Variants in PLEKHG5 observed in about 807,000 individuals in gnomAD.
The protein encoded by PLEKHG5 is pleckstrin homology and RhoGEF domain containing G5.
A neutral mutation model predicts 103.8 loss-of-function variants in PLEKHG5; 52 were observed. That is an observed-to-expected ratio of 0.50 (90% CI 0.40 to 0.63). PLEKHG5 has a LOEUF of 0.63. PLEKHG5 is among the 30% of genes least tolerant of loss of function. The probability of loss-of-function intolerance (pLI) is 0.00; values close to 1 mark genes in which losing one functional copy is unlikely to be tolerated. For missense variants in PLEKHG5, 1,205 were observed against 1,347.6 expected (o/e 0.89, Z 1.66); for synonymous variants, 592 against 575.5 (o/e 1.03, Z -0.41).
chr1:6,492,235 C>T (rs182704612), upstream of PLEKHG5, among the ~76,000 whole-genome samples: 1 of 152,292 alleles, frequency 6.6e-6, no homozygotes, highest in East Asian at 1.9e-4. Flanking sequence ...TCACTACCTC[C>T]TCCATGATAA....
At chr1:6,502,078 A>G (rs1645302278) in intron 1 of PLEKHG5, among the ~76,000 whole-genome samples, 1 of 152,250 alleles carries the variant, frequency 6.6e-6, no homozygotes, top group South Asian at 2.1e-4. Flanking sequence ...ATGCCTGGGC[A>G]GCTGCTGCAG....
At chr1:6,489,838 A>G (rs1645113624) in intron 1 of PLEKHG5, among the ~76,000 whole-genome samples, 1 of 152,302 alleles carries the variant, frequency 6.6e-6, no homozygotes, top group Admixed American at 6.5e-5. Context: ...GACCCCGGCT[A>G]AAGGGCAGGA....
rs1408196398 is a variant in PLEKHG5 at position 6,486,948 on chromosome 1, C to T, written c.-88+4689G>A. Among the ~76,000 whole-genome samples the T allele has an allele frequency of 6.6e-6, 1 of 152,168 alleles. No homozygotes were observed. The highest frequency in any genetic ancestry group is 6.5e-5 in the Admixed American group (1 of 15,280). On this transcript the variant is annotated intron_variant, in intron 1 of 20. Coordinates refer to ENST00000377728, the MANE Select transcript of PLEKHG5 (RefSeq NM_020631.6). The surrounding 1 kb of genome is among the most constrained non-coding windows in gnomAD (Gnocchi z 5.3). ...CCACCCACCCCTAATTGCTCCTCCT[C>T]CACCTGGTTCCATGGGGAAAGAGGG...
chr1:6,485,999 G>A, intron 1 of PLEKHG5: 1 of 692,416 alleles, frequency 1.4e-6, no homozygotes, highest in Non-Finnish European at 1.8e-6. Context: ...CTTGGAGACT[G>A]TGGAGCCCCT....
chr1:6,509,337 C>T (rs1034910340), intron 1 of PLEKHG5, among the ~76,000 whole-genome samples: 1 of 152,360 alleles, frequency 6.6e-6, no homozygotes. Flanking sequence ...GACAAGGGCC[C>T]GCTTCATCCC....
chr1:6,491,585 A>AC lies in PLEKHG5; in HGVS notation c.-88+51dup. On this transcript the variant is annotated intron_variant, in intron 1 of 20. Transcript: ENST00000377728. This position sits in a 1 kb window ranked among gnomAD's most constrained non-coding sequence, Gnocchi z 4.1. ...GGGGCATCCTGGTCTGCCGCTGCTC[A>AC]CCCCCAAAGCATTGCCCAGGAGAAT... 1.1e-6 allele frequency: 1 copy of AC among 912,346 alleles called. No homozygotes were observed. Among genetic ancestry groups the AC allele is most frequent in the Non-Finnish European group, 1.3e-6 (1 of 764,204 alleles). 56.5% of individuals were successfully genotyped at this position (912,346 alleles called of 1,614,324 possible). A position where few individuals can be genotyped will look rare whatever the true frequency, so the allele number is the denominator to read the frequency against.
Position 6,470,990 on chromosome 1 carries a change from C to A in PLEKHG5, c.1392G>T (p.Thr464=). 6.3e-7 allele frequency: 1 copy of A among 1,599,646 alleles called. No homozygotes were observed. Among genetic ancestry groups the A allele is most frequent in the East Asian group, 2.3e-5 (1 of 43,794 alleles). The part of the protein sequence containing the change: ...RDNDLFRAYI[T]WAEKHPQCQR... ...CCGCCCACGGCACGCGCGCCCTCAC[C>A]GTGATGTAGGCCCGGAAGAGGTCGT... The change falls in exon 13 of 21, where the codon ACG becomes ACT. Residue 464 remains threonine (T), a splice_region_variant and synonymous_variant. Coordinates refer to ENST00000377728, the MANE Select transcript of PLEKHG5 (RefSeq NM_020631.6).
chr1:6,507,161 G>A (rs373886560), intron 1 of PLEKHG5, among the ~76,000 whole-genome samples: 9 of 152,194 alleles, frequency 5.9e-5, no homozygotes, highest in East Asian at 3.9e-4. Context: ...CAGCCCTCCT[G>A]TGGAGAGACC....
chr1:6,485,560 G>A, intron 1 of PLEKHG5: 2 of 1,058,646 alleles, frequency 1.9e-6, no homozygotes, highest in South Asian at 9.2e-5. Flanking sequence ...GGGGAGGGCC[G>A]GGCCCGGAAC....
chr1:6,493,604 C>T (rs568632908), upstream of PLEKHG5, among the ~76,000 whole-genome samples: 5 of 152,304 alleles, frequency 3.3e-5, no homozygotes, highest in African/African-American at 4.8e-5. Flanking sequence ...GAGGGCCTAA[C>T]GCCCCGCCTG....
chr1:6,489,573 C>T (rs1645107058), intron 1 of PLEKHG5, among the ~76,000 whole-genome samples: 1 of 152,348 alleles, frequency 6.6e-6, no homozygotes, highest in African/African-American at 2.4e-5. Context: ...CCTGCCCAGC[C>T]TCTGCAGTTC....
rs1480765563 is a variant in PLEKHG5 at position 6,474,030 on chromosome 1, C to T, written c.574G>A (p.Glu192Lys). Residue 192 changes from glutamate (E) to lysine (K), a missense_variant, in exon 7 of 21, where the codon GAG (glutamate) becomes AAG (lysine). Coordinates refer to ENST00000377728, the MANE Select transcript of PLEKHG5 (RefSeq NM_020631.6). ...LERVDAQSRR[E>K]SLDILAPGRR... The stretch of plus-strand genomic sequence containing the variant: ...CTCCTCACCAAGATGTCCAGGCTCT[C>T]CCGGCGGCTCTGGGCGTCCACACGC... 1 of 1,563,534 alleles carries T rather than the reference C, an allele frequency of 6.4e-7. No individual in the cohort carries two copies. Among genetic ancestry groups the T allele is most frequent in the Non-Finnish European group, 8.7e-7 (1 of 1,150,164 alleles).
At position 6,482,483 on chromosome 1, in the gene PLEKHG5, G is replaced by C. The variant is rs1474041245; in HGVS notation, c.-87-4825C>G. Among the ~76,000 whole-genome samples the C allele has an allele frequency of 2.6e-5, 4 of 152,326 alleles. 1 individual carries two copies. The highest frequency in any genetic ancestry group is 3.9e-4 in the East Asian group (2 of 5,186). On this transcript the variant is annotated intron_variant, in intron 1 of 20. Coordinates refer to ENST00000377728, the MANE Select transcript of PLEKHG5 (RefSeq NM_020631.6). The stretch of plus-strand genomic sequence containing the variant: ...GAGGAGGAGGCCGGGAAGAATCTGA[G>C]TGTGTTTTTAATGTGGTCGTCATGT...
At chr1:6,497,812 G>C (rs1021314365), upstream of PLEKHG5, among the ~76,000 whole-genome samples, 3 of 152,180 alleles carry the variant, frequency 2.0e-5, no homozygotes, top group Non-Finnish European at 2.9e-5. The surrounding 1 kb of genome is among the most constrained non-coding windows in gnomAD (Gnocchi z 6.1). Context: ...CGCCTGCCAC[G>C]GCTCTTGCTG....
rs764053619 is a variant in PLEKHG5 at position 6,472,541 on chromosome 1, G to A, written c.1066C>T (p.Arg356Trp). Residue 356 changes from arginine (R) to tryptophan (W), a missense_variant, in exon 10 of 21, where the codon CGG becomes TGG. Arg to Trp is a moderately radical substitution (Grantham distance 101, BLOSUM62 -3). Transcript: ENST00000377728. ...HTEASYIRKL[R>W]VIINLFLCCL... ...CCCCTACTCACGTTGATGATCACCCGCAGTTTCCTGATGTAGGAGGCCTCC... is the reference window on the plus strand; with the variant it reads ...CCCCTACTCACGTTGATGATCACCCACAGTTTCCTGATGTAGGAGGCCTCC... The A allele has an allele frequency of 3.5e-5, 57 of 1,611,654 alleles. No homozygotes were observed. Among genetic ancestry groups the A allele is most frequent in the East Asian group, 2.2e-5 (1 of 44,880 alleles).
At chr1:6,514,997 T>C (rs543418016) in intron 1 of PLEKHG5, among the ~76,000 whole-genome samples, 1 of 151,918 alleles carries the variant, frequency 6.6e-6, no homozygotes, top group South Asian at 2.1e-4. Context: ...GAGGTTGCAG[T>C]GAACCAAGAT....
At chr1:6,497,212 C>T (rs1029246082), upstream of PLEKHG5, 1 of 860,404 alleles carries the variant, frequency 1.2e-6, no homozygotes, top group Middle Eastern at 3.1e-4. This position sits in a 1 kb window ranked among gnomAD's most constrained non-coding sequence, Gnocchi z 6.1. Context: ...GAAGCCCGGT[C>T]GGCGCCCACC....
chr1:6,477,421 T>C (rs1206916336), intron 2 of PLEKHG5, 108 bp downstream of exon 2: 2 of 1,169,772 alleles, frequency 1.7e-6, no homozygotes, highest in Non-Finnish European at 2.5e-6. Context: ...CGGGTTTCAT[T>C]ATTTACAGTC....
chr1:6,503,984 G>T (rs1410341024), intron 1 of PLEKHG5, among the ~76,000 whole-genome samples: 1 of 152,218 alleles, frequency 6.6e-6, no homozygotes, highest in Non-Finnish European at 1.5e-5. Context: ...CAGACGGCGA[G>T]CAGCCCCACT....
Sources: gnomAD v4.1 joint callset for allele counts (sites outside exome capture counted in the v4.1 genomes callset) on GRCh38, gnomAD v4.1.1 for gene constraint, Gnocchi (gnomAD v3.1) non-coding constraint, MANE v1.5 for transcripts, NCBI Gene and HGNC (gene_info 2026-07-23, HGNC 2026-07-21) for gene names.